The following CAST variants were observed in gnomAD, a reference collection of about 807,000 sequenced individuals.
The protein encoded by CAST is MIR583 host.
A neutral mutation model predicts 119.6 loss-of-function variants in CAST; 76 were observed. The observed-to-expected ratio is 0.64, with a 90% CI of 0.53 to 0.77. The LOEUF (loss-of-function observed/expected upper bound fraction) is 0.77, where lower values mean the gene tolerates loss of function less well. Among genes scored for constraint, CAST ranks in the 30% least tolerant of loss-of-function variants. CAST has a pLI of 0.00. For missense variants in CAST, 953 were observed against 946.5 expected (o/e 1.01, Z -0.09); for synonymous variants, 319 against 331.6 (o/e 0.96, Z 0.41).
the CAST span, among the ~76,000 whole-genome samples, chr5:96,140,330 G>A: frequency 2.0e-5 from 3 of 152,326 alleles, no homozygotes; most frequent in East Asian, 1.9e-4. Flanking sequence ...CCAGGAACCC[G>A]TTGTTTCTCT....
chr5:96,045,852 A>C, the CAST span, among the ~76,000 whole-genome samples: 1 of 152,184 alleles, frequency 6.6e-6, no homozygotes, highest in Non-Finnish European at 1.5e-5. Flanking sequence ...ATATAGGTAC[A>C]AAAAAGTTTC....
At chr5:96,682,951 G>A (rs1327372278) in intron 2 of CAST, among the ~76,000 whole-genome samples, 1 of 151,912 alleles carries the variant, frequency 6.6e-6, no homozygotes, top group African/African-American at 2.4e-5. Flanking sequence ...GCATGCTACT[G>A]CCACACCCTG....
chr5:96,491,624 A>C, the CAST span, among the ~76,000 whole-genome samples: 1 of 151,898 alleles, frequency 6.6e-6, no homozygotes, highest in Non-Finnish European at 1.5e-5. Flanking sequence ...GTATTTATTT[A>C]AGTTGATTAT....
At chr5:96,441,256 T>G in the CAST span, among the ~76,000 whole-genome samples, 1 of 152,204 alleles carries the variant, frequency 6.6e-6, no homozygotes, top group African/African-American at 2.4e-5. Context: ...TAAAACTGAC[T>G]AGCTCTGGCA....
the CAST span, among the ~76,000 whole-genome samples, chr5:96,257,581 G>A: frequency 1.1e-4 from 16 of 152,318 alleles, no homozygotes; most frequent in African/African-American, 3.9e-4. Flanking sequence ...TTCAAAGCCA[G>A]ATAGGGATAG....
At chr5:96,634,786 A>G (rs549598176) in intron 1 of CAST, among the ~76,000 whole-genome samples, 1 of 152,346 alleles carries the variant, frequency 6.6e-6, no homozygotes, top group East Asian at 1.9e-4. Flanking sequence ...TAAGCTCATG[A>G]AAACTCAAGA....
intron 4 of CAST, among the ~76,000 whole-genome samples, chr5:96,723,103 C>CGGCTAATT (rs1248914393): frequency 6.6e-6 from 1 of 151,300 alleles, no homozygotes; most frequent in African/African-American, 2.5e-5. Flanking sequence ...CCACCATGCC[C>CGGCTAATT]GGCTAATTGT....
At chr5:96,033,717 A>G in the CAST span, among the ~76,000 whole-genome samples, 1 of 152,174 alleles carries the variant, frequency 6.6e-6, no homozygotes, top group Non-Finnish European at 1.5e-5. Flanking sequence ...TAGAGTTGAA[A>G]AAGCTCCATG....
At chr5:96,489,383 G>T in the CAST span, among the ~76,000 whole-genome samples, 1 of 151,702 alleles carries the variant, frequency 6.6e-6, no homozygotes, top group Non-Finnish European at 1.5e-5. Flanking sequence ...ATTGAGTAAT[G>T]CACAACCACA....
chr5:96,567,267 T>C (rs1386866096), intron 1 of CAST, among the ~76,000 whole-genome samples: 3 of 152,196 alleles, frequency 2.0e-5, no homozygotes, highest in African/African-American at 2.4e-5. Context: ...TAAGAAGAGA[T>C]GATGGTTCCA....
intron 3 of CAST, chr5:96,714,661 T>A (rs1357993466): frequency 6.6e-6 from 1 of 152,168 alleles, no homozygotes; most frequent in Non-Finnish European, 1.5e-5. Context: ...ATTAGACATA[T>A]TTGGAATTAT....
chr5:96,014,886 C>T, the CAST span, among the ~76,000 whole-genome samples: 1 of 152,144 alleles, frequency 6.6e-6, no homozygotes, highest in African/African-American at 2.4e-5. Flanking sequence ...ATATTTCACA[C>T]AGGAAGCCAT....
chr5:96,738,562 T>A (rs773420040), intron 11 of CAST, among the ~76,000 whole-genome samples: 9 of 152,090 alleles, frequency 5.9e-5, no homozygotes, highest in Non-Finnish European at 1.2e-4. Context: ...AGAACTTGTT[T>A]TGATTTCTCG....
chr5:96,226,694 A>G, the CAST span, among the ~76,000 whole-genome samples: 1 of 152,124 alleles, frequency 6.6e-6, no homozygotes, highest in African/African-American at 2.4e-5. Flanking sequence ...GTATTTTAAG[A>G]ATCTGTTTTA....
At chr5:96,350,716 C>G in the CAST span, among the ~76,000 whole-genome samples, 18 of 152,026 alleles carry the variant, frequency 1.2e-4, no homozygotes, top group African/African-American at 4.3e-4. Flanking sequence ...TTTCACTATT[C>G]CACTCCAACT....
At chr5:96,759,382 G>C (rs1767166883) in intron 24 of CAST, among the ~76,000 whole-genome samples, 1 of 152,040 alleles carries the variant, frequency 6.6e-6, no homozygotes, top group East Asian at 1.9e-4. Flanking sequence ...AGATCACATT[G>C]ATAATAGACT....
At chr5:96,689,611 G>A (rs1020210559) in intron 2 of CAST, among the ~76,000 whole-genome samples, 3 of 152,116 alleles carry the variant, frequency 2.0e-5, no homozygotes, top group Non-Finnish European at 2.9e-5. Context: ...TGCGCCTTAT[G>A]GCAACCCCAT....
At position 96,561,786 on chromosome 5, in the gene CAST, G is replaced by GGTTTTTTTTTTTTT. The variant is rs1189100090; in HGVS notation, c.60+31906_60+31907insGTTTTTTTTTTTTT. ...ATGTATATATGTGTATTATATATAT[G>GGTTTTTTTTTTTTT]TTTTTTTTTGTTTTTTTTTTTTTTG... is the stretch of plus-strand genomic sequence containing the variant. On this transcript the variant is annotated intron_variant, in intron 1 of 11. Transcript: ENST00000505143. Among the ~76,000 whole-genome samples, 157 of 105,414 alleles carry GGTTTTTTTTTTTTT rather than the reference G, an allele frequency of 1.5e-3. 19 individuals are homozygous for GGTTTTTTTTTTTTT. Among genetic ancestry groups the GGTTTTTTTTTTTTT allele is most frequent in the Middle Eastern group, 6.8e-3 (1 of 148 alleles). 69.2% of individuals were successfully genotyped at this position (105,414 alleles called of 152,430 possible).
chr5:96,389,278 G>T, the CAST span, among the ~76,000 whole-genome samples: 1 of 151,982 alleles, frequency 6.6e-6, no homozygotes, highest in African/African-American at 2.4e-5. Flanking sequence ...AAAGAAAAAA[G>T]GTAACTGAGA....
Sources: gnomAD v4.1 joint callset for allele counts (sites outside exome capture counted in the v4.1 genomes callset) on GRCh38, gnomAD v4.1.1 for gene constraint, MANE v1.5 for transcripts, NCBI Gene and HGNC (gene_info 2026-07-23, HGNC 2026-07-21) for gene names.